LGMN: variants seen among roughly 807,000 people sequenced by gnomAD.
The protein encoded by LGMN is asparaginyl endopeptidase.
Under a neutral mutation model 56.8 loss-of-function variants are expected in LGMN, and 36 were observed. The ratio of observed to expected loss-of-function variants is 0.63; its 90% CI spans 0.49 to 0.84. The LOEUF (loss-of-function observed/expected upper bound fraction) is 0.84. LGMN is among the 40% of genes least tolerant of loss of function. The pLI is 0.00. For missense variants in LGMN, 446 were observed against 556.1 expected, an observed-to-expected ratio of 0.80 and a Z score of 1.99; for synonymous variants, 199 against 210.1, an observed-to-expected ratio of 0.95 and a Z score of 0.46.
chr14:92,730,078 T>A (rs556172787), intron 2 of LGMN, among the ~76,000 whole-genome samples: 1 of 152,236 alleles, frequency 6.6e-6, no homozygotes, highest in Non-Finnish European at 1.5e-5. Context: ...GCTGGTTGTA[T>A]AAAAATCACG....
rs746395031 is a variant in LGMN, at chr14:92,714,355, T to C, written c.480+21A>G. 8 of 1,539,252 alleles carry C rather than the reference T, an allele frequency of 5.2e-6. No individual in the cohort carries two copies. Among genetic ancestry groups the C allele is most frequent in the Non-Finnish European group, 7.2e-6 (8 of 1,112,678 alleles). The stretch of plus-strand genomic sequence containing the variant: ...CTTTTCTGTTCTGCTAGTTTGTCCT[T>C]AAAACGTTAAGAAAACTCACATCTT... On this transcript the variant is annotated intron_variant, in intron 6 of 13. Transcript: ENST00000334869. This position sits in a 1 kb window ranked among gnomAD's most constrained non-coding sequence, Gnocchi z 5.1.
At chr14:92,740,191 T>C (rs957599931) in intron 1 of LGMN, among the ~76,000 whole-genome samples, 4 of 152,090 alleles carry the variant, frequency 2.6e-5, no homozygotes, top group African/African-American at 7.2e-5. Context: ...GAGGTTGCAG[T>C]GAGGCGAGAT....
intron 2 of LGMN, among the ~76,000 whole-genome samples, chr14:92,721,910 G>T (rs80307714): frequency 6.6e-6 from 1 of 151,984 alleles, no homozygotes; most frequent in Non-Finnish European, 1.5e-5. Flanking sequence ...TTAAAAATAC[G>T]CAAACAAGTA....
At chr14:92,732,541 G>T in intron 2 of LGMN, 108 bp downstream of exon 2, 1 of 1,254,018 alleles carries the variant, frequency 8.0e-7, no homozygotes, top group Admixed American at 2.1e-5. Context: ...CAGCCTAACA[G>T]GTCCGTCAAT....
At chr14:92,719,311 A>T (rs189253561) in intron 2 of LGMN, among the ~76,000 whole-genome samples, 1 of 77,300 alleles carries the variant, frequency 1.3e-5, no homozygotes, top group Admixed American at 1.3e-4. Context: ...CACCGCCGCC[A>T]CCGCCGCCGC....
At chr14:92,713,932 T>G in intron 6 of LGMN, 47 bp from the exon 7 acceptor site, 1 of 1,428,080 alleles carries the variant, frequency 7.0e-7, no homozygotes, top group Non-Finnish European at 9.9e-7. Flanking sequence ...GAGAAACTAT[T>G]TGCTGGATAA....
rs566300947 is a variant in LGMN, at chr14:92,734,169, T to C, written c.-29-1354A>G. 1.4e-4 allele frequency among the ~76,000 whole-genome samples: 22 copies of C among 152,124 alleles called. No individual in the cohort carries two copies. The East Asian group carries it at 4.2e-3, about 29-fold the overall frequency. On this transcript the variant is annotated intron_variant, in intron 1 of 13. Transcript: ENST00000334869. ...ATCTGTACAACATGCAGGGCAAACA[T>C]TTTCATCCTTGTTTTACAGAAAGGA...
At chr14:92,731,910 C>T (rs1891064130) in intron 2 of LGMN, among the ~76,000 whole-genome samples, 1 of 152,240 alleles carries the variant, frequency 6.6e-6, no homozygotes, top group African/African-American at 2.4e-5. Flanking sequence ...TTACATCCCA[C>T]AGGGAGGCTG....
At chr14:92,725,119 A>G (rs1890678890) in intron 2 of LGMN, among the ~76,000 whole-genome samples, 1 of 152,248 alleles carries the variant, frequency 6.6e-6, no homozygotes, top group African/African-American at 2.4e-5. Flanking sequence ...TGGTCTTTCC[A>G]AGGTCCTGTG....
chr14:92,713,449 A>G (rs1038066101), intron 7 of LGMN, among the ~76,000 whole-genome samples: 1 of 152,160 alleles, frequency 6.6e-6, no homozygotes, highest in East Asian at 1.9e-4. Context: ...AGTGAGAATA[A>G]GATAGTGGTA....
chr14:92,712,122 C>T (rs716097), intron 8 of LGMN, among the ~76,000 whole-genome samples, 167 bp from the exon 9 acceptor site: 49,071 of 152,000 alleles, frequency 0.32, 9,247 homozygotes, highest in Admixed American at 0.45. Flanking sequence ...TATTCGATTA[C>T]AATAACTCAT....
chr14:92,732,926 G>A (rs1446319301), intron 1 of LGMN, 111 bp from the exon 2 acceptor site: 5 of 733,742 alleles, frequency 6.8e-6, no homozygotes, highest in African/African-American at 3.6e-5. Context: ...CGAGGAGGGT[G>A]GATCAAGAGG....
chr14:92,716,136 C>T lies in LGMN; in HGVS notation c.404G>A (p.Ser135Asn), dbSNP rs1309501847. Residue 135 changes from serine (S) to asparagine (N), a missense_variant and splice_region_variant, in exon 5 of 14, where the codon AGT becomes AAT. Transcript: ENST00000334869. ...KGIGSGKVLK[S>N]GPQDHVFIYF... ...TGTAGTATCCGTAAACAGACATTAC[C>T]TCTTCAGGACTTTGCCGGATCCTAT... 6.2e-7 allele frequency: 1 copy of T among 1,603,664 alleles called. No individual in the cohort carries two copies. The highest frequency in any genetic ancestry group is 8.5e-7 in the Non-Finnish European group (1 of 1,172,686).
chr14:92,719,290 G>GCCA (rs1304656587), intron 2 of LGMN, among the ~76,000 whole-genome samples: 4 of 32,200 alleles, frequency 1.2e-4, no homozygotes, highest in African/African-American at 5.8e-4. Context: ...CGCCGCCGCC[G>GCCA]CCGCCGCCGC....
chr14:92,727,787 C>A (rs1214177297), intron 2 of LGMN, among the ~76,000 whole-genome samples: 2 of 152,166 alleles, frequency 1.3e-5, no homozygotes, highest in African/African-American at 4.8e-5. Flanking sequence ...TCTTTCTCAG[C>A]CTCGAGTTCA....
chr14:92,724,853 C>T (rs1035690337), intron 2 of LGMN, among the ~76,000 whole-genome samples: 1 of 152,174 alleles, frequency 6.6e-6, no homozygotes, highest in African/African-American at 2.4e-5. Flanking sequence ...ATTGGCGTGC[C>T]CCATGTCACA....
At chr14:92,729,697 G>A (rs1004956335) in intron 2 of LGMN, among the ~76,000 whole-genome samples, 2 of 152,190 alleles carry the variant, frequency 1.3e-5, no homozygotes, top group African/African-American at 4.8e-5. Context: ...GAAAATGTAA[G>A]TTTAAAATCT....
chr14:92,709,936 G>C, intron 10 of LGMN, 64 bp from the exon 11 acceptor site: 1 of 1,303,374 alleles, frequency 7.7e-7, no homozygotes, highest in Non-Finnish European at 1.1e-6. Context: ...GAAGGCCAGA[G>C]AGAGAGGGAG....
rs1251260428 is a variant in LGMN at position 92,719,319 on chromosome 14, C to T, written c.139-475G>A. On this transcript the variant is annotated intron_variant, in intron 2 of 13. Transcript: ENST00000334869. Reference sequence around the variant, plus strand: ...CCGCCGCCACCGCCGCCACCGCCGCCGCCGCCACCGCCACCGCCATCACCG... The same window carrying T: ...CCGCCGCCACCGCCGCCACCGCCGCTGCCGCCACCGCCACCGCCATCACCG... Among the ~76,000 whole-genome samples the T allele has an allele frequency of 6.5e-5, 9 of 137,596 alleles. 1 individual carries two copies. The highest frequency in any genetic ancestry group is 6.4e-4 in the East Asian group (3 of 4,676). 90.3% of individuals were successfully genotyped at this position (137,596 alleles called of 152,430 possible).
Sources: gnomAD v4.1 joint callset for allele counts (sites outside exome capture counted in the v4.1 genomes callset) on GRCh38, gnomAD v4.1.1 for gene constraint, Gnocchi (gnomAD v3.1) non-coding constraint, MANE v1.5 for transcripts, NCBI Gene and HGNC (gene_info 2026-07-23, HGNC 2026-07-21) for gene names.